Variants in PIWIL1 observed in about 807,000 individuals in gnomAD.
The protein encoded by PIWIL1 is piwi like RNA-mediated gene silencing 1.
A neutral mutation model predicts 114.4 loss-of-function variants in PIWIL1; 73 were observed. The observed-to-expected ratio is 0.64, with a 90% CI of 0.53 to 0.78. PIWIL1 has a LOEUF of 0.78. Ranked by LOEUF, PIWIL1 falls within the 30% of genes least tolerant of loss-of-function variation. PIWIL1 has a pLI of 0.00. For missense variants in PIWIL1, 723 were observed against 1,063.1 expected (o/e 0.68, Z 4.45); for synonymous variants, 375 against 369.0 (o/e 1.02, Z -0.19).
intron 1 of PIWIL1, among the ~76,000 whole-genome samples, chr12:130,340,625 T>G (rs2072886800): frequency 1.6e-4 from 3 of 18,374 alleles, no homozygotes; most frequent in Admixed American, 7.8e-4. Flanking sequence ...GGGTTGGTGG[T>G]GGTGGTTGGG....
At chr12:130,355,951 C>A (rs1284837530) in intron 12 of PIWIL1, among the ~76,000 whole-genome samples, 1 of 152,116 alleles carries the variant, frequency 6.6e-6, no homozygotes, top group Non-Finnish European at 1.5e-5. Flanking sequence ...AATAGGTACA[C>A]CCCAGGAGGA....
chr12:130,382,065 C>A, the PIWIL1 span, among the ~76,000 whole-genome samples: 5 of 152,154 alleles, frequency 3.3e-5, no homozygotes, highest in African/African-American at 9.7e-5. Context: ...TCAGATAGGT[C>A]TTTTGCAAAT....
rs1272488830 is a variant in PIWIL1, at chr12:130,371,304, A to T, written c.2450A>T (p.His817Leu). 1 of 1,614,250 alleles carries T rather than the reference A, an allele frequency of 6.2e-7. No individual in the cohort carries two copies. Among genetic ancestry groups the T allele is most frequent in the Non-Finnish European group, 8.5e-7 (1 of 1,180,028 alleles). Reference protein sequence around the residue: ...HIQRLTYKLCHIYYNWPGVIR... With the variant: ...HIQRLTYKLCLIYYNWPGVIR... ...CAGCGCTTGACCTACAAGCTGTGCC[A>T]CATCTATTACAACTGGCCAGTAAGT... Residue 817 changes from histidine (H) to leucine (L), a missense_variant, in exon 20 of 21, where the codon CAC becomes CTC. By Grantham distance (99) the His-to-Leu change is moderately conservative. Transcript: ENST00000245255.
the PIWIL1 span, among the ~76,000 whole-genome samples, chr12:130,423,885 C>G: frequency 6.6e-6 from 1 of 152,058 alleles, no homozygotes; most frequent in African/African-American, 2.4e-5. Flanking sequence ...TTCAGTTGTC[C>G]TTTAATTCAA....
At chr12:130,400,957 G>A in the PIWIL1 span, among the ~76,000 whole-genome samples, 4 of 152,204 alleles carry the variant, frequency 2.6e-5, no homozygotes, top group Admixed American at 6.5e-5. Flanking sequence ...ACGAATACTC[G>A]TGCACTTTTG....
At chr12:130,354,277 G>A (rs771323009) in intron 9 of PIWIL1, among the ~76,000 whole-genome samples, 18 of 152,130 alleles carry the variant, frequency 1.2e-4, no homozygotes, top group Non-Finnish European at 2.4e-4. Context: ...GACTAACAAA[G>A]TCTGAACTCA....
chr12:130,384,789 G>A, the PIWIL1 span, among the ~76,000 whole-genome samples: 1 of 150,754 alleles, frequency 6.6e-6, no homozygotes, highest in African/African-American at 2.5e-5. Flanking sequence ...CTCCCAACAT[G>A]TTATCTTCCT....
At chr12:130,342,499 G>A in intron 1 of PIWIL1, 81 bp from the exon 2 acceptor site, 1 of 803,464 alleles carries the variant, frequency 1.2e-6, no homozygotes, top group Non-Finnish European at 2.1e-6. Context: ...GAAACTCAAA[G>A]AAGTTTAAAG....
intron 14 of PIWIL1, among the ~76,000 whole-genome samples, chr12:130,360,024 G>A (rs1270408386): frequency 6.6e-6 from 1 of 152,194 alleles, no homozygotes; most frequent in Non-Finnish European, 1.5e-5. Flanking sequence ...GCAGCACATT[G>A]TGGGGTATCG....
Position 130,371,235 on chromosome 12 carries a change from A to G in PIWIL1, c.2381A>G (p.Tyr794Cys), listed in dbSNP as rs1405478150. 1.2e-6 allele frequency: 2 copies of G among 1,614,200 alleles called. No individual in the cohort carries two copies. Among genetic ancestry groups the G allele is most frequent in the East Asian group, 2.2e-5 (1 of 44,884 alleles). ...VRSGSVSPTH[Y>C]NVIYDNSGLK... ...AGTGGTAGTGTTTCTCCCACACATT[A>G]CAATGTCATCTATGACAACAGCGGC... The change falls in exon 20 of 21, where the codon TAC (tyrosine) becomes TGC (cysteine). Residue 794 changes from tyrosine (Y) to cysteine (C), a missense_variant. Tyr to Cys is a radical substitution (Grantham distance 194). Coordinates refer to ENST00000245255, the MANE Select transcript of PIWIL1 (RefSeq NM_004764.5).
chr12:130,405,558 T>A, the PIWIL1 span, among the ~76,000 whole-genome samples: 1 of 151,830 alleles, frequency 6.6e-6, no homozygotes, highest in South Asian at 2.1e-4. Context: ...AACTCTGAGA[T>A]AACCCCACCC....
rs747014605 is a variant in PIWIL1 at position 130,357,041 on chromosome 12, T to G, written c.1528T>G (p.Ser510Ala). ...GCGAAGAAATTATGAAGCAGCCAAT[T>G]CATTGATACAAAATCTATTTAAAGT... ...YTRRNYEAAN[S>A]LIQNLFKVTP... Residue 510 changes from serine to alanine, a missense_variant, in exon 13 of 21, where the codon TCA (serine) becomes GCA (alanine). Physicochemically the swap from Ser to Ala is moderately conservative, Grantham distance 99 (BLOSUM62 1). Transcript: ENST00000245255. The G allele has an allele frequency of 1.7e-5, 27 of 1,613,790 alleles. No homozygotes were observed. The Middle Eastern group carries it at 6.6e-4, about 40-fold the overall frequency.
intron 13 of PIWIL1, 69 bp downstream of exon 13, chr12:130,357,174 A>C (rs2073386376): frequency 8.2e-7 from 1 of 1,224,642 alleles, no homozygotes; most frequent in African/African-American, 1.5e-5. Context: ...GGAACTATTA[A>C]ACATACAAAC....
the PIWIL1 span, among the ~76,000 whole-genome samples, chr12:130,391,626 C>T: frequency 1.3e-5 from 2 of 152,224 alleles, no homozygotes; most frequent in East Asian, 1.9e-4. Flanking sequence ...TTGTGAAGTG[C>T]GGAATGGTCA....
intron 8 of PIWIL1, 152 bp downstream of exon 8, chr12:130,349,588 A>G (rs1356927205): frequency 4.8e-6 from 3 of 629,662 alleles, no homozygotes; most frequent in Admixed American, 2.9e-5. Flanking sequence ...TCCCAGGATC[A>G]TAGTTTTGGA....
At chr12:130,421,575 G>A in the PIWIL1 span, among the ~76,000 whole-genome samples, 1 of 152,154 alleles carries the variant, frequency 6.6e-6, no homozygotes, top group Non-Finnish European at 1.5e-5. Flanking sequence ...GATTCCAGGT[G>A]GCTTTTCAGT....
chr12:130,373,981 A>G (rs1018630083), downstream of PIWIL1, among the ~76,000 whole-genome samples: 1 of 152,160 alleles, frequency 6.6e-6, no homozygotes, highest in Admixed American at 6.5e-5. Flanking sequence ...CACTGACCTC[A>G]GGCTGTCCCT....
chr12:130,355,621 C>G lies in PIWIL1; in HGVS notation c.1358C>G (p.Ser453Ter). The change falls in exon 12 of 21, where the codon TCA becomes TGA. Residue 453 changes from serine to a stop codon, truncating the protein, a stop_gained. Transcript: ENST00000245255. LOFTEE classifies it high-confidence loss of function. ...LSFDSNLLSF[S>*]GRILQTEKIH... Reference sequence around the variant, plus strand: ...TTTGATTCCAACTTACTGTCCTTCTCAGGAAGAATTTTGCAAACAGAAAAG... The same window carrying G: ...TTTGATTCCAACTTACTGTCCTTCTGAGGAAGAATTTTGCAAACAGAAAAG... The G allele has an allele frequency of 6.2e-7, 1 of 1,614,110 alleles. No homozygotes were observed. Among genetic ancestry groups the G allele is most frequent in the Non-Finnish European group, 8.5e-7 (1 of 1,179,970 alleles).
chr12:130,373,910 T>C (rs2136206814), downstream of PIWIL1, among the ~76,000 whole-genome samples: 1 of 152,172 alleles, frequency 6.6e-6, no homozygotes, highest in East Asian at 1.9e-4. Context: ...AATCCCAATT[T>C]CTCCTTTCAC....
Sources: allele counts gnomAD v4.1 joint callset (sites outside exome capture counted in the v4.1 genomes callset), GRCh38; gene constraint gnomAD v4.1.1; transcripts MANE v1.5; gene names NCBI Gene and HGNC (gene_info 2026-07-23, HGNC 2026-07-21).